Variants in CDH7 observed in about 807,000 individuals in gnomAD.
CDH7 encodes cadherin 7, also known as cadherin-7.
Under a neutral mutation model 71.8 loss-of-function variants are expected in CDH7, and 25 were observed. The ratio of observed to expected loss-of-function variants is 0.35; its 90% CI spans 0.25 to 0.49. CDH7 has a LOEUF of 0.49. Ranked by LOEUF, CDH7 falls within the 20% of genes least tolerant of loss-of-function variation. The pLI is 0.99. For synonymous variants in CDH7, 381 were observed against 363.8 expected (o/e 1.05, Z -0.54); for missense variants, 862 against 974.6 (o/e 0.88, Z 1.54).
chr18:65,803,228 C>T (rs1911189414), intron 2 of CDH7: 1 of 152,078 alleles, frequency 6.6e-6, no homozygotes, highest in Admixed American at 6.6e-5. Context: ...CATTGACCTT[C>T]CAATTGGGCC....
intron 2 of CDH7, among the ~76,000 whole-genome samples, chr18:65,779,315 T>A (rs1193814508): frequency 1.4e-5 from 2 of 143,158 alleles, no homozygotes; most frequent in African/African-American, 5.4e-5. Context: ...TTTTTTTTTT[T>A]ATTATACTCT....
intron 4 of CDH7, among the ~76,000 whole-genome samples, chr18:65,815,714 C>T (rs899186993): frequency 1.3e-5 from 2 of 152,116 alleles, no homozygotes; most frequent in Non-Finnish European, 2.9e-5. Flanking sequence ...AAGGAAGAAG[C>T]AGTCATGATT....
At chr18:65,794,883 T>A (rs1398172040) in intron 2 of CDH7, among the ~76,000 whole-genome samples, 2 of 152,162 alleles carry the variant, frequency 1.3e-5, no homozygotes, top group Non-Finnish European at 2.9e-5. Flanking sequence ...ATTAGGACGG[T>A]AATGCCTACC....
At chr18:65,750,898 C>A (rs1193531882), upstream of CDH7, 1 of 152,178 alleles carries the variant, frequency 6.6e-6, no homozygotes, top group East Asian at 1.9e-4. Flanking sequence ...GCAGACGCAG[C>A]GGGCCCCCGG....
At chr18:65,818,033 A>G (rs1911780761) in intron 4 of CDH7, among the ~76,000 whole-genome samples, 2 of 151,842 alleles carry the variant, frequency 1.3e-5, no homozygotes, top group East Asian at 1.9e-4. Context: ...CCCAATCTGT[A>G]TTCATCTCTA....
At chr18:65,865,914 CT>C (rs1278768678) in intron 11 of CDH7, 1 of 151,986 alleles carries the variant, frequency 6.6e-6, no homozygotes, top group African/African-American at 2.4e-5. Context: ...TAACTCAAAC[CT>C]TTTAAGACTT....
rs1914299229 is a variant in CDH7, at chr18:65,883,843, A to T, written c.*2949A>T. ...TTTATGCTATATTTTACTACTAAAT[A>T]ACAATGTATGTGGTAGTGATTTCCT... On this transcript the variant is annotated 3_prime_UTR_variant, in exon 12 of 12. Coordinates refer to ENST00000397968, the MANE Select transcript of CDH7 (RefSeq NM_004361.5). The T allele has an allele frequency of 6.6e-6, 1 of 152,164 alleles. No individual in the cohort carries two copies. Among genetic ancestry groups the T allele is most frequent in the East Asian group, 1.9e-4 (1 of 5,194 alleles). The allele number at this position is 152,164 out of a possible 1,614,324, so 9.4% of individuals were successfully genotyped here. A position where few individuals can be genotyped will look rare whatever the true frequency, so the allele number is the denominator to read the frequency against.
intron 2 of CDH7, among the ~76,000 whole-genome samples, chr18:65,797,077 T>C (rs1028655280): frequency 6.6e-6 from 1 of 152,090 alleles, no homozygotes; most frequent in African/African-American, 2.4e-5. Flanking sequence ...TGTGGTCCAC[T>C]CTCTCCAGGT....
rs1213232655 is a variant in CDH7 at position 65,824,683 on chromosome 18, C to T, written c.833C>T (p.Ala278Val). The T allele has an allele frequency of 6.2e-7, 1 of 1,609,858 alleles. No homozygotes were observed. Among genetic ancestry groups the T allele is most frequent in the East Asian group, 2.2e-5 (1 of 44,764 alleles). ...AACGTCCCAGAGTCATTACCTGTAGCCTCAGTTGTGGCCAGAATTAAAGCT... is the reference window on the plus strand; with the variant it reads ...AACGTCCCAGAGTCATTACCTGTAGTCTCAGTTGTGGCCAGAATTAAAGCT... The part of the protein sequence containing the change: ...QYNVPESLPV[A>V]SVVARIKAAD... Residue 278 changes from alanine to valine, a missense_variant, in exon 6 of 12, where the codon GCC (alanine) becomes GTC (valine). Coordinates refer to ENST00000397968, the MANE Select transcript of CDH7 (RefSeq NM_004361.5).
intron 10 of CDH7, among the ~76,000 whole-genome samples, chr18:65,860,810 A>T (rs193167570): frequency 1.3e-4 from 20 of 152,304 alleles, no homozygotes; most frequent in Middle Eastern, 6.8e-3. Context: ...AGTGCAACCT[A>T]GGCCTCAAAA....
At chr18:65,851,359 T>G (rs1023276928) in intron 7 of CDH7, among the ~76,000 whole-genome samples, 3 of 152,196 alleles carry the variant, frequency 2.0e-5, no homozygotes, top group African/African-American at 7.2e-5. Flanking sequence ...GATGAAATTT[T>G]CCCATGTTTT....
intron 2 of CDH7, among the ~76,000 whole-genome samples, chr18:65,800,390 G>A (rs1264943484): frequency 6.6e-6 from 1 of 151,962 alleles, no homozygotes; most frequent in African/African-American, 2.4e-5. Context: ...ACTCTAGAAG[G>A]CATTTTAAAT....
chr18:65,793,358 G>C (rs546583764), intron 2 of CDH7, among the ~76,000 whole-genome samples: 1 of 150,992 alleles, frequency 6.6e-6, no homozygotes, highest in South Asian at 2.1e-4. Context: ...GCTTGAGTCT[G>C]AGAGGTGGAG....
In CDH7 at chr18:65,882,964, A is replaced by G. The variant is rs1914272920; in HGVS notation, c.*2070A>G. 1 of 152,138 alleles carries G rather than the reference A, an allele frequency of 6.6e-6. No individual in the cohort carries two copies. Among genetic ancestry groups the G allele is most frequent in the Non-Finnish European group, 1.5e-5 (1 of 67,972 alleles). The allele number at this position is 152,138 out of a possible 1,614,324, so 9.4% of individuals were successfully genotyped here. On this transcript the variant is annotated 3_prime_UTR_variant, in exon 12 of 12. Coordinates refer to ENST00000397968, the MANE Select transcript of CDH7 (RefSeq NM_004361.5). ...TAGTTTAGTACATTTGGATGATGTCAAAACTGCTGATTGTTGCACATACCA... is the reference window on the plus strand; with the variant it reads ...TAGTTTAGTACATTTGGATGATGTCGAAACTGCTGATTGTTGCACATACCA...
chr18:65,835,995 A>T (rs1305756237), intron 6 of CDH7, among the ~76,000 whole-genome samples: 2 of 152,164 alleles, frequency 1.3e-5, no homozygotes, highest in Non-Finnish European at 2.9e-5. Context: ...TCAGTGTTAT[A>T]AAAAAGAGAT....
At chr18:65,829,251 C>T (rs1912245708) in intron 6 of CDH7, among the ~76,000 whole-genome samples, 1 of 151,814 alleles carries the variant, frequency 6.6e-6, no homozygotes. Context: ...TCCTGAGCAG[C>T]TGGGACCACA....
In CDH7 at chr18:65,792,185, CTTTTT is replaced by C. The variant is rs71167149; in HGVS notation, c.211-17497_211-17493del. Reference sequence around the variant, plus strand: ...CCCCAGAATGTCTGCTGCAGCCAGTCTTTTTTTTTTTTTTTTTTTTTTTTTTAAGA... The same window carrying C: ...CCCCAGAATGTCTGCTGCAGCCAGTCTTTTTTTTTTTTTTTTTTTTTAAGA... On this transcript the variant is annotated intron_variant, in intron 2 of 11. Transcript: ENST00000397968. Among the ~76,000 whole-genome samples, 492 of 104,084 alleles carry C rather than the reference CTTTTT, an allele frequency of 4.7e-3. 2 individuals carry two copies. Among genetic ancestry groups the C allele is most frequent in the African/African-American group, 0.012 (331 of 28,454 alleles). 68.3% of individuals were successfully genotyped at this position (104,084 alleles called of 152,430 possible). A position where few individuals can be genotyped will look rare whatever the true frequency, so the allele number is the denominator to read the frequency against.
chr18:65,804,438 A>C (rs1911238399), intron 2 of CDH7, among the ~76,000 whole-genome samples: 1 of 152,158 alleles, frequency 6.6e-6, no homozygotes, highest in Non-Finnish European at 1.5e-5. Flanking sequence ...TTTTACCTTT[A>C]TCTCTTAAAT....
At chr18:65,813,916 T>A (rs1296854938) in intron 3 of CDH7, among the ~76,000 whole-genome samples, 1 of 152,156 alleles carries the variant, frequency 6.6e-6, no homozygotes, top group Non-Finnish European at 1.5e-5. Context: ...CTGTTTTGTT[T>A]TTAGATCAAT....
Sources: allele counts gnomAD v4.1 joint callset (sites outside exome capture counted in the v4.1 genomes callset), GRCh38; gene constraint gnomAD v4.1.1; transcripts MANE v1.5; gene names NCBI Gene and HGNC (gene_info 2026-07-23, HGNC 2026-07-21).